PTPRE: variants seen among roughly 807,000 people sequenced by gnomAD.
PTPRE encodes receptor-type tyrosine-protein phosphatase epsilon.
In PTPRE, 51 loss-of-function variants were observed where a neutral mutation model predicts 102.0. The observed-to-expected ratio is 0.50, with a 90% CI of 0.40 to 0.63. The LOEUF (loss-of-function observed/expected upper bound fraction) is 0.63, where lower values mean the gene tolerates loss of function less well. Ranked by LOEUF, PTPRE falls within the 30% of genes least tolerant of loss-of-function variation. The pLI is 0.00. For synonymous variants in PTPRE, 345 were observed against 348.2 expected (o/e 0.99, Z 0.10); for missense variants, 752 against 915.1 (o/e 0.82, Z 2.30).
At position 128,068,163 on chromosome 10, in the gene PTPRE, A is replaced by G; in HGVS notation, c.884A>G (p.Gln295Arg). 1 of 1,614,084 alleles carries G rather than the reference A, an allele frequency of 6.2e-7. No homozygotes were observed. The highest frequency in any genetic ancestry group is 8.5e-7 in the Non-Finnish European group (1 of 1,179,966). The change falls in exon 12 of 21, where the codon CAG (glutamine) becomes CGG (arginine). Residue 295 changes from glutamine to arginine, a missense_variant. Gln to Arg is a conservative substitution (Grantham distance 43). This residue lies in a region of PTPRE where 636 missense variants were observed against 824.4 expected (regional missense o/e 0.77). Transcript: ENST00000254667. The stretch of plus-strand genomic sequence containing the variant: ...TGCAAAGCCCCCAGGCTGGTCTCAC[A>G]GCTGCACTTCACCAGCTGGCCCGAC... ...DGCKAPRLVS[Q>R]LHFTSWPDFG... is the part of the protein sequence containing the mutation.
chr10:127,946,600 C>T (rs377549663), intron 1 of PTPRE, among the ~76,000 whole-genome samples: 1 of 113,236 alleles, frequency 8.8e-6, no homozygotes, highest in African/African-American at 3.0e-5. Context: ...TGCGCTTGCA[C>T]ATTGCACCTG....
intron 1 of PTPRE, among the ~76,000 whole-genome samples, chr10:127,972,532 C>T (rs941729510): frequency 2.6e-5 from 4 of 152,246 alleles, no homozygotes; most frequent in South Asian, 2.1e-4. Context: ...GCCAACCCCA[C>T]GGTGCGAAGA....
chr10:128,080,433 G>A (rs111695995), intron 20 of PTPRE, among the ~76,000 whole-genome samples: 28 of 152,256 alleles, frequency 1.8e-4, no homozygotes, highest in African/African-American at 6.7e-4. Flanking sequence ...GCCCTTCTAC[G>A]TCCCCCTCAC....
chr10:128,062,851 C>G, intron 9 of PTPRE: 1 of 635,666 alleles, frequency 1.6e-6, no homozygotes, highest in South Asian at 2.5e-5. Flanking sequence ...ATAACTCAAC[C>G]TGGGCCCAAT....
At chr10:128,016,219 C>T (rs1384825431) in intron 2 of PTPRE, among the ~76,000 whole-genome samples, 1 of 152,220 alleles carries the variant, frequency 6.6e-6, no homozygotes, top group Non-Finnish European at 1.5e-5. Context: ...ATGCACTTAA[C>T]TCTATGTAAT....
At position 127,966,442 on chromosome 10, in the gene PTPRE, T is replaced by A. The variant is rs553777388; in HGVS notation, c.-30-15832T>A. ...ATTTTGGGGAAGGTTGTGGCCATGA[T>A]AAAAATCAGTATTTATTGAGCCTGT... On this transcript the variant is annotated intron_variant, in intron 1 of 20. Coordinates refer to ENST00000254667, the MANE Select transcript of PTPRE (RefSeq NM_006504.6). 5.2e-4 allele frequency among the ~76,000 whole-genome samples: 79 copies of A among 152,336 alleles called. 1 individual carries two copies. The highest frequency in any genetic ancestry group is 1.8e-3 in the African/African-American group (76 of 41,576).
intron 9 of PTPRE, 105 bp from the exon 10 acceptor site, chr10:128,062,978 G>A: frequency 1.3e-6 from 2 of 1,535,394 alleles, no homozygotes; most frequent in Non-Finnish European, 1.8e-6. Context: ...GCCTGAGAAG[G>A]GAGTGAACAG....
At chr10:127,926,889 G>A (rs1056788769) in intron 1 of PTPRE, among the ~76,000 whole-genome samples, 1 of 135,288 alleles carries the variant, frequency 7.4e-6, no homozygotes, top group Non-Finnish European at 1.5e-5. Context: ...TCAGCTCACT[G>A]TAACCTCTGC....
chr10:128,037,182 C>T (rs796642234), intron 2 of PTPRE, among the ~76,000 whole-genome samples: 12 of 152,194 alleles, frequency 7.9e-5, no homozygotes, highest in African/African-American at 2.9e-4. Flanking sequence ...TCTAGCATAG[C>T]ATTGAGGACC....
intron 1 of PTPRE, among the ~76,000 whole-genome samples, chr10:127,971,657 T>C (rs1485271412): frequency 3.9e-5 from 6 of 152,216 alleles, no homozygotes; most frequent in African/African-American, 1.2e-4. Context: ...CACAAGGCAG[T>C]TCCTGGGGAA....
chr10:128,032,641 G>A (rs1017578250), intron 2 of PTPRE, among the ~76,000 whole-genome samples: 2 of 152,228 alleles, frequency 1.3e-5, no homozygotes, highest in Admixed American at 1.3e-4. Flanking sequence ...GCGGGAGGAG[G>A]CTTCAGGGTT....
At chr10:127,930,706 G>A (rs1190378408) in intron 1 of PTPRE, among the ~76,000 whole-genome samples, 1 of 152,042 alleles carries the variant, frequency 6.6e-6, no homozygotes, top group Non-Finnish European at 1.5e-5. Context: ...TTTCTGTCAT[G>A]GGTTCACCAT....
intron 6 of PTPRE, among the ~76,000 whole-genome samples, chr10:128,052,189 G>T (rs1272799402): frequency 6.6e-6 from 1 of 152,130 alleles, no homozygotes; most frequent in Non-Finnish European, 1.5e-5. Context: ...CTCTCTCTTG[G>T]GTCCTCAGAG....
rs192740065 is a variant in PTPRE at position 128,057,172 on chromosome 10, G to A, written c.511+959G>A. Among the ~76,000 whole-genome samples the A allele has an allele frequency of 3.1e-3, 474 of 151,846 alleles. 1 individual carries two copies. The highest frequency in any genetic ancestry group is 4.0e-3 in the Non-Finnish European group (275 of 67,926). On this transcript the variant is annotated intron_variant, in intron 7 of 20. Coordinates refer to ENST00000254667, the MANE Select transcript of PTPRE (RefSeq NM_006504.6). Reference sequence around the variant, plus strand: ...ACAGAGGTTGCCATGAGCCGAGATCGCGCCATTGCACTCCAGCCTGGGGAA... The same window carrying A: ...ACAGAGGTTGCCATGAGCCGAGATCACGCCATTGCACTCCAGCCTGGGGAA...
chr10:128,075,723 A>G (rs1851164328), intron 17 of PTPRE, among the ~76,000 whole-genome samples: 1 of 152,226 alleles, frequency 6.6e-6, no homozygotes, highest in Non-Finnish European at 1.5e-5. Context: ...TTGAAAATTA[A>G]CAAAATATTG....
At position 128,068,295 on chromosome 10, in the gene PTPRE, T is replaced by C; in HGVS notation, c.1007+9T>C. 2 of 1,608,138 alleles carry C rather than the reference T, an allele frequency of 1.2e-6. No homozygotes were observed. The highest frequency in any genetic ancestry group is 2.2e-5 in the East Asian group (1 of 44,756). On this transcript the variant is annotated intron_variant, in intron 12 of 20. Coordinates refer to ENST00000254667, the MANE Select transcript of PTPRE (RefSeq NM_006504.6). ...ATCGTGGTCCACTGTAGGTACGCTG[T>C]GGGGGCCACGGGGCGGGACCCTCAA... is the stretch of plus-strand genomic sequence containing the variant.
At chr10:128,030,390 G>C (rs574036040) in intron 2 of PTPRE, among the ~76,000 whole-genome samples, 1 of 151,694 alleles carries the variant, frequency 6.6e-6, no homozygotes, top group Admixed American at 6.6e-5. Flanking sequence ...TGGGGGTAGA[G>C]GGAGGGGAAA....
intron 1 of PTPRE, among the ~76,000 whole-genome samples, chr10:127,938,638 A>G (rs1466037437): frequency 3.9e-5 from 6 of 152,202 alleles, no homozygotes; most frequent in Non-Finnish European, 8.8e-5. Flanking sequence ...TAGAATTGAT[A>G]TTACTTTTTA....
rs762573542 is a variant in PTPRE at position 128,047,399 on chromosome 10, A to C, written c.119A>C (p.Asp40Ala). Residue 40 changes from aspartate to alanine, a missense_variant, in exon 4 of 21, where the codon GAC (aspartate) becomes GCC (alanine). Transcript: ENST00000254667. ...TCTGCTTCTCCTGCAGGCCCTCCGG[A>C]CCCGGGCGCCTCCCAGCCGCTGCTG... ...NETTTTSGPP[D>A]PGASQPLLAW... 6.2e-7 allele frequency: 1 copy of C among 1,612,640 alleles called. No homozygotes were observed. The highest frequency in any genetic ancestry group is 1.1e-5 in the South Asian group (1 of 91,024).
Sources: allele counts gnomAD v4.1 joint callset (sites outside exome capture counted in the v4.1 genomes callset), GRCh38; gene constraint gnomAD v4.1.1; regional missense constraint gnomAD v4.1.1; transcripts MANE v1.5; gene names NCBI Gene and HGNC (gene_info 2026-07-23, HGNC 2026-07-21).